The following ATP10A variants were observed in gnomAD, a reference collection of about 807,000 sequenced individuals.
ATP10A encodes ATPase phospholipid transporting 10A (putative), also known as phospholipid-transporting ATPase VA.
In ATP10A, 111 loss-of-function variants were observed where a neutral mutation model predicts 147.8. That is an observed-to-expected ratio of 0.75 (90% CI 0.64 to 0.88). The LOEUF is 0.88. Among genes scored for constraint, ATP10A ranks in the 40% least tolerant of loss-of-function variants. The pLI is 0.00. For synonymous variants in ATP10A, 875 were observed against 841.6 expected, an observed-to-expected ratio of 1.04 and a Z score of -0.69; for missense variants, 1,927 against 1,959.0, an observed-to-expected ratio of 0.98 and a Z score of 0.31.
chr15:25,728,924 A>G (rs1902763516), intron 3 of ATP10A, among the ~76,000 whole-genome samples: 2 of 152,204 alleles, frequency 1.3e-5, no homozygotes, highest in Admixed American at 1.3e-4. Flanking sequence ...CTGGAGAACG[A>G]CATCACCATC....
intron 3 of ATP10A, among the ~76,000 whole-genome samples, chr15:25,732,304 C>T (rs1054648154): frequency 6.6e-6 from 1 of 151,930 alleles, no homozygotes; most frequent in African/African-American, 2.4e-5. Flanking sequence ...GGCACAATCA[C>T]GGTTCACTGC....
chr15:25,730,174 A>T (rs1412794089), intron 3 of ATP10A, among the ~76,000 whole-genome samples: 10 of 151,232 alleles, frequency 6.6e-5, no homozygotes, highest in Non-Finnish European at 1.0e-4. Context: ...GGTGGTACAC[A>T]CCTGTAATCC....
chr15:25,698,450 T>C (rs1900472038), intron 13 of ATP10A, among the ~76,000 whole-genome samples: 1 of 152,214 alleles, frequency 6.6e-6, no homozygotes, highest in Non-Finnish European at 1.5e-5. Flanking sequence ...TTCTCTAGCT[T>C]ACTTTATTGT....
chr15:25,855,541 A>AATACACAC (rs1893474468), intron 1 of ATP10A, among the ~76,000 whole-genome samples: 2 of 145,992 alleles, frequency 1.4e-5, no homozygotes, highest in African/African-American at 2.5e-5. Flanking sequence ...TATTGGTTAA[A>AATACACAC]ACACACACAC....
At chr15:25,773,745 C>T (rs998926095) in intron 2 of ATP10A, among the ~76,000 whole-genome samples, 1 of 152,126 alleles carries the variant, frequency 6.6e-6, no homozygotes, top group African/African-American at 2.4e-5. Context: ...CTTACTTGCA[C>T]ACTCACTTGC....
chr15:25,791,224 C>T (rs779063456), intron 1 of ATP10A, among the ~76,000 whole-genome samples: 21 of 151,352 alleles, frequency 1.4e-4, no homozygotes, highest in Admixed American at 4.6e-4. Flanking sequence ...GGATTACAGG[C>T]GTGCCCCACC....
At chr15:25,803,429 C>T (rs1388793861) in intron 1 of ATP10A, among the ~76,000 whole-genome samples, 1 of 152,228 alleles carries the variant, frequency 6.6e-6, no homozygotes, top group African/African-American at 2.4e-5. Flanking sequence ...TCTCCTGCTT[C>T]TCAGGTACAA....
chr15:25,799,013 T>C (rs1197951258), intron 1 of ATP10A, among the ~76,000 whole-genome samples: 2 of 152,214 alleles, frequency 1.3e-5, no homozygotes, highest in South Asian at 2.1e-4. Context: ...GGTGCCTGTT[T>C]GGCCCCTCCC....
At chr15:25,747,596 ATG>A (rs1156804679) in intron 2 of ATP10A, among the ~76,000 whole-genome samples, 3 of 152,190 alleles carry the variant, frequency 2.0e-5, no homozygotes, top group African/African-American at 7.2e-5. Context: ...TAAAAGTGTT[ATG>A]TGAACAACTG....
chr15:25,847,703 A>T (rs543249877), intron 1 of ATP10A, among the ~76,000 whole-genome samples: 22 of 132,856 alleles, frequency 1.7e-4, no homozygotes, highest in Non-Finnish European at 2.7e-4. Context: ...TGCAATCATA[A>T]TCACGTCTCA....
At chr15:25,777,703 C>A (rs147845950) in intron 2 of ATP10A, among the ~76,000 whole-genome samples, 3,178 of 152,006 alleles carry the variant, frequency 0.021, 40 homozygotes, top group Non-Finnish European at 0.03. Context: ...TGGTTCAAAC[C>A]ATCCTTCCCA....
chr15:25,729,819 T>A (rs144974023), intron 3 of ATP10A, among the ~76,000 whole-genome samples: 2 of 152,262 alleles, frequency 1.3e-5, no homozygotes, highest in East Asian at 1.9e-4. Context: ...CAGTATTCCA[T>A]CTGCTTCCAT....
intron 16 of ATP10A, 31 bp from the exon 17 acceptor site, chr15:25,683,517 G>A: frequency 6.3e-7 from 1 of 1,584,222 alleles, no homozygotes; most frequent in Non-Finnish European, 8.6e-7. Context: ...ACAGGAACAG[G>A]CGAGTCTTCA....
intron 1 of ATP10A, among the ~76,000 whole-genome samples, chr15:25,810,831 C>T (rs964294398): frequency 1.3e-5 from 2 of 152,114 alleles, no homozygotes; most frequent in African/African-American, 4.8e-5. Flanking sequence ...AGGTGAGGTG[C>T]AGCCAAGACC....
intron 3 of ATP10A, among the ~76,000 whole-genome samples, chr15:25,730,301 C>CAAAAAAA (rs763070472): frequency 1.7e-3 from 16 of 9,158 alleles, no homozygotes; most frequent in African/African-American, 3.4e-3. Context: ...GACTCTGTCT[C>CAAAAAAA]AAAAAAAAAA....
chr15:25,858,409 T>C (rs946592884), intron 1 of ATP10A, among the ~76,000 whole-genome samples: 2 of 151,838 alleles, frequency 1.3e-5, no homozygotes, highest in African/African-American at 4.8e-5. Context: ...GAGATGAGGC[T>C]CACCTGGAAG....
chr15:25,677,462 G>A (rs1300667713), downstream of ATP10A: 1 of 152,098 alleles, frequency 6.6e-6, no homozygotes, highest in African/African-American at 2.4e-5. Flanking sequence ...GACATCCTCT[G>A]GAAAGAAGGT....
intron 2 of ATP10A, among the ~76,000 whole-genome samples, chr15:25,759,704 GGA>G (rs1234592359): frequency 3.9e-5 from 6 of 151,966 alleles, no homozygotes; most frequent in Admixed American, 3.9e-4. Context: ...CACCTATTCA[GGA>G]GGCTAAGGTG....
intron 7 of ATP10A, among the ~76,000 whole-genome samples, chr15:25,719,837 G>A (rs974780946): frequency 1.1e-4 from 17 of 152,190 alleles, no homozygotes; most frequent in African/African-American, 3.4e-4. Context: ...TTCCACAGCC[G>A]GTTCTGGTAC....
Sources: allele counts gnomAD v4.1 joint callset (sites outside exome capture counted in the v4.1 genomes callset), GRCh38; gene constraint gnomAD v4.1.1; transcripts MANE v1.5; gene names NCBI Gene and HGNC (gene_info 2026-07-23, HGNC 2026-07-21).